DENND4C: variants seen among roughly 807,000 people sequenced by gnomAD.
The protein encoded by DENND4C is DENN domain containing 4C.
Under a neutral mutation model 203.0 loss-of-function variants are expected in DENND4C, and 108 were observed. The ratio of observed to expected loss-of-function variants is 0.53; its 90% CI spans 0.46 to 0.62. The LOEUF is 0.62. Ranked by LOEUF, DENND4C falls within the 20% of genes least tolerant of loss-of-function variation. The probability of loss-of-function intolerance (pLI) is 0.00; values close to 1 mark genes in which losing one functional copy is unlikely to be tolerated. For missense variants in DENND4C, 2,481 were observed against 2,301.2 expected (o/e 1.08, Z -1.60); for synonymous variants, 871 against 792.4 (o/e 1.10, Z -1.67).
chr9:19,232,945 A>C (rs1191081714), intron 1 of DENND4C, among the ~76,000 whole-genome samples: 1 of 152,126 alleles, frequency 6.6e-6, no homozygotes, highest in East Asian at 1.9e-4. Context: ...CTTCCTGCCA[A>C]AACAAATACT....
At position 19,369,820 on chromosome 9, in the gene DENND4C, T is replaced by C; in HGVS notation, c.5525-17T>C. 3 of 1,478,066 alleles carry C rather than the reference T, an allele frequency of 2.0e-6. No homozygotes were observed. Among genetic ancestry groups the C allele is most frequent in the Non-Finnish European group, 2.7e-6 (3 of 1,115,222 alleles). 91.6% of individuals were successfully genotyped at this position (1,478,066 alleles called of 1,614,324 possible). A position where few individuals can be genotyped will look rare whatever the true frequency, so the allele number is the denominator to read the frequency against. On this transcript the variant is annotated splice_polypyrimidine_tract_variant and intron_variant, in intron 30 of 32. Coordinates refer to ENST00000434457, the MANE Select transcript of DENND4C (RefSeq NM_001330640.2). ...TAGTAATAATTGAAAAAAAACTTACTGTGTTCTTATTGTTAGATTCTGAAA... is the reference window on the plus strand; with the variant it reads ...TAGTAATAATTGAAAAAAAACTTACCGTGTTCTTATTGTTAGATTCTGAAA...
chr9:19,282,295 G>A (rs1424170217), intron 2 of DENND4C, among the ~76,000 whole-genome samples: 1 of 150,796 alleles, frequency 6.6e-6, no homozygotes, highest in African/African-American at 2.4e-5. Context: ...TCACTTTGTT[G>A]CCCAGGCTGG....
At chr9:19,349,356 CGAGA>C (rs1353735235) in intron 23 of DENND4C, among the ~76,000 whole-genome samples, 3 of 151,808 alleles carry the variant, frequency 2.0e-5, no homozygotes, top group Non-Finnish European at 4.4e-5. Flanking sequence ...CGCAGTGAGC[CGAGA>C]TCACACCACT....
chr9:19,271,960 A>T (rs1221669184), intron 1 of DENND4C, among the ~76,000 whole-genome samples: 1 of 152,186 alleles, frequency 6.6e-6, no homozygotes, highest in Admixed American at 6.5e-5. Context: ...ATAAAGCTAC[A>T]GTAATCAGAA....
At chr9:19,242,812 T>G (rs1300680741) in intron 1 of DENND4C, among the ~76,000 whole-genome samples, 3 of 152,044 alleles carry the variant, frequency 2.0e-5, no homozygotes, top group South Asian at 4.2e-4. Flanking sequence ...CATGCCACCA[T>G]GCCCGGCCAT....
chr9:19,286,916 C>A lies in DENND4C; in HGVS notation c.453C>A (p.Pro151=). 8.1e-7 allele frequency: 1 copy of A among 1,232,042 alleles called. No homozygotes were observed. Among genetic ancestry groups the A allele is most frequent in the African/African-American group, 1.5e-5 (1 of 64,526 alleles). 76.3% of individuals were successfully genotyped at this position (1,232,042 alleles called of 1,614,324 possible). A position where few individuals can be genotyped will look rare whatever the true frequency, so the allele number is the denominator to read the frequency against. ...ATCGAAGGGCTCCTCCAGTTCGACCCCAGAATTCCTTGGCTGTAACTGATA... is the reference window on the plus strand; with the variant it reads ...ATCGAAGGGCTCCTCCAGTTCGACCACAGAATTCCTTGGCTGTAACTGATA... ...ITYRRAPPVR[P]QNSLAVTDIC... Residue 151 remains proline, a synonymous_variant, in exon 3 of 33, where the codon CCC becomes CCA. Transcript: ENST00000434457.
At chr9:19,302,475 A>G (rs1298341482) in intron 9 of DENND4C, among the ~76,000 whole-genome samples, 2 of 152,254 alleles carry the variant, frequency 1.3e-5, no homozygotes, top group Non-Finnish European at 2.9e-5. Context: ...GTTGTCACTC[A>G]AGGAAATCTG....
At chr9:19,359,894 T>C (rs1826114946) in intron 28 of DENND4C, among the ~76,000 whole-genome samples, 1 of 152,224 alleles carries the variant, frequency 6.6e-6, no homozygotes, top group African/African-American at 2.4e-5. Context: ...AGGAGGAAGA[T>C]AATGTCACAC....
chr9:19,311,134 T>G (rs1320727356), intron 10 of DENND4C, among the ~76,000 whole-genome samples: 1 of 152,160 alleles, frequency 6.6e-6, no homozygotes, highest in Non-Finnish European at 1.5e-5. Context: ...TTTTTTTCCT[T>G]TGTTTGACAG....
chr9:19,231,485 C>T (rs1356392530), intron 1 of DENND4C, among the ~76,000 whole-genome samples: 1 of 151,818 alleles, frequency 6.6e-6, no homozygotes, highest in Non-Finnish European at 1.5e-5. Context: ...GAATGAAGTC[C>T]TAAGGCTGAC....
rs1156881937 is a variant in DENND4C at position 19,350,854 on chromosome 9, T to C, written c.4470T>C (p.Asp1490=). 7 of 1,613,880 alleles carry C rather than the reference T, an allele frequency of 4.3e-6. No homozygotes were observed. The highest frequency in any genetic ancestry group is 5.9e-6 in the Non-Finnish European group (7 of 1,179,926). Residue 1490 remains aspartate, a synonymous_variant, in exon 24 of 33, where the codon GAT becomes GAC. Coordinates refer to ENST00000434457, the MANE Select transcript of DENND4C (RefSeq NM_001330640.2). The part of the protein sequence containing the change: ...TSLGSSSSSG[D]VGKLHYPTGE... ...TTGGCAGTAGCAGCAGTAGTGGAGA[T>C]GTAGGAAAACTGCATTATCCAACAG...
chr9:19,235,206 C>T (rs1466614513), intron 1 of DENND4C, among the ~76,000 whole-genome samples: 1 of 152,120 alleles, frequency 6.6e-6, no homozygotes, highest in Non-Finnish European at 1.5e-5. Flanking sequence ...CTCAGGTGAT[C>T]CATCCGCCTC....
chr9:19,279,052 CACTGTAATCCCAGCTA>C lies in DENND4C; in HGVS notation c.305+2576_305+2591del, dbSNP rs71496810. On this transcript the variant is annotated intron_variant, in intron 2 of 32. Coordinates refer to ENST00000434457, the MANE Select transcript of DENND4C (RefSeq NM_001330640.2). Reference sequence around the variant, plus strand: ...TATTCTGGTCCAGTGTGGTGGCTTACACTGTAATCCCAGCTAACCTGTAATCCCAGCACTTTGGGAG... The same window carrying C: ...TATTCTGGTCCAGTGTGGTGGCTTACACCTGTAATCCCAGCACTTTGGGAG... 4.2e-4 allele frequency among the ~76,000 whole-genome samples: 58 copies of C among 139,746 alleles called. 1 individual carries two copies. The highest frequency in any genetic ancestry group is 8.1e-4 in the African/African-American group (30 of 37,184). 91.7% of individuals were successfully genotyped at this position (139,746 alleles called of 152,430 possible). A position where few individuals can be genotyped will look rare whatever the true frequency, so the allele number is the denominator to read the frequency against.
chr9:19,333,297 T>C (rs142281697), intron 17 of DENND4C, among the ~76,000 whole-genome samples: 221 of 152,236 alleles, frequency 1.5e-3, no homozygotes, highest in African/African-American at 5.1e-3. Flanking sequence ...ATTATAAATA[T>C]GAGCCACTGC....
rs1487438310 is a variant in DENND4C at position 19,332,020 on chromosome 9, A to T, written c.2296A>T (p.Asn766Tyr). 2 of 1,614,058 alleles carry T rather than the reference A, an allele frequency of 1.2e-6. No individual in the cohort carries two copies. The highest frequency in any genetic ancestry group is 3.3e-5 in the Admixed American group (2 of 60,026). Residue 766 changes from asparagine (N) to tyrosine (Y), a missense_variant, in exon 17 of 33, where the codon AAT (asparagine) becomes TAT (tyrosine). This residue lies in a region of DENND4C where 2,289 missense variants were observed against 2,113.3 expected (regional missense o/e 1.08). Transcript: ENST00000434457. ...TAAATTGGCGAAGAGATGTTATACA[A>T]ATCCACCACAGTGGGCCAAGTGTCT... ...AHKLAKRCYT[N>Y]PPQWAKCLFS...
intron 9 of DENND4C, among the ~76,000 whole-genome samples, chr9:19,303,486 T>G (rs2131351238): frequency 6.6e-6 from 1 of 152,276 alleles, no homozygotes; most frequent in South Asian, 2.1e-4. Flanking sequence ...AGAGACAATA[T>G]GGTTCACAAG....
intron 23 of DENND4C, among the ~76,000 whole-genome samples, chr9:19,348,708 A>G (rs973115072): frequency 6.6e-6 from 1 of 152,220 alleles, no homozygotes; most frequent in Non-Finnish European, 1.5e-5. Context: ...ACTATTTTGT[A>G]TTTAAAGAGC....
intron 1 of DENND4C, among the ~76,000 whole-genome samples, chr9:19,252,563 C>G (rs1444128834): frequency 1.3e-5 from 2 of 152,134 alleles, no homozygotes; most frequent in African/African-American, 2.4e-5. Context: ...GCCTGAGTGA[C>G]AGAGTGAGAT....
At chr9:19,369,456 C>G (rs1828338185) in intron 30 of DENND4C, among the ~76,000 whole-genome samples, 1 of 152,084 alleles carries the variant, frequency 6.6e-6, no homozygotes, top group Non-Finnish European at 1.5e-5. Context: ...GAAAATGCGA[C>G]AACTCTGGAG....
Sources: allele counts gnomAD v4.1 joint callset (sites outside exome capture counted in the v4.1 genomes callset), GRCh38; gene constraint gnomAD v4.1.1; regional missense constraint gnomAD v4.1.1; transcripts MANE v1.5; gene names NCBI Gene and HGNC (gene_info 2026-07-23, HGNC 2026-07-21).